SSPN: variants seen among roughly 807,000 people sequenced by gnomAD.
SSPN encodes the protein sarcospan.
In SSPN, 15 loss-of-function variants were observed where a neutral mutation model predicts 19.1. The observed-to-expected ratio is 0.78, with a 90% CI of 0.52 to 1.21. The LOEUF is 1.21. Among genes scored for constraint, SSPN ranks in the 50% most tolerant of loss-of-function variants. The pLI, the probability that SSPN is intolerant of heterozygous loss-of-function variation, is 0.00. For missense variants in SSPN, 291 were observed against 314.0 expected (o/e 0.93, Z 0.55); for synonymous variants, 147 against 140.3 (o/e 1.05, Z -0.34).
chr12:26,161,602 TCCCC>T (rs1944589420), intron 1 of SSPN, among the ~76,000 whole-genome samples: 1 of 152,206 alleles, frequency 6.6e-6, no homozygotes, highest in Non-Finnish European at 1.5e-5. Flanking sequence ...ATTGTTAGCA[TCCCC>T]AAATTAAATG....
At chr12:26,124,581 G>C in intron 1 of SSPN, 1 of 1,614,188 alleles carries the variant, frequency 6.2e-7, no homozygotes, top group South Asian at 1.1e-5. Context: ...GAATAGTCCA[G>C]TCTGCAAAAC....
chr12:26,175,147 A>T (rs1378494355), intron 1 of SSPN, among the ~76,000 whole-genome samples: 1 of 152,214 alleles, frequency 6.6e-6, no homozygotes, highest in Non-Finnish European at 1.5e-5. Context: ...TGGGTGTAGC[A>T]TTTTGTATGC....
At chr12:26,192,506 C>T (rs375619373), upstream of SSPN, among the ~76,000 whole-genome samples, 1 of 152,134 alleles carries the variant, frequency 6.6e-6, no homozygotes, top group Non-Finnish European at 1.5e-5. Context: ...CTATTTTAGC[C>T]TTGATTACTC....
chr12:26,130,404 A>G (rs2137396267), intron 1 of SSPN, among the ~76,000 whole-genome samples: 1 of 152,350 alleles, frequency 6.6e-6, no homozygotes, highest in Non-Finnish European at 1.5e-5. Context: ...TGTCAGTAAC[A>G]GATATTTCTT....
At chr12:26,158,183 C>T (rs1944566919) in intron 1 of SSPN, among the ~76,000 whole-genome samples, 1 of 151,984 alleles carries the variant, frequency 6.6e-6, no homozygotes, top group African/African-American at 2.4e-5. Context: ...CAGCTCTTTC[C>T]CACTTCATCA....
At chr12:26,129,476 A>C (rs2137395627) in intron 1 of SSPN, among the ~76,000 whole-genome samples, 1 of 152,318 alleles carries the variant, frequency 6.6e-6, no homozygotes, top group East Asian at 1.9e-4. Flanking sequence ...GGTGCCTCAG[A>C]GAAGGATTTA....
chr12:26,217,975 T>G (rs11048435), intron 1 of SSPN, among the ~76,000 whole-genome samples: 2,014 of 145,046 alleles, frequency 0.014, 35 homozygotes, highest in African/African-American at 0.048. Context: ...GGGTATATAC[T>G]CAAAGGACTA....
At chr12:26,122,860 G>T (rs1351969664) in intron 1 of SSPN, 2 of 1,566,352 alleles carry the variant, frequency 1.3e-6, no homozygotes, top group Non-Finnish European at 1.7e-6. Flanking sequence ...TGGATGACGG[G>T]CACGCAGTAG....
At chr12:26,195,523 G>C, upstream of SSPN, 1 of 1,248,148 alleles carries the variant, frequency 8.0e-7, no homozygotes, top group South Asian at 3.2e-5. Flanking sequence ...CGTGGCCTTT[G>C]GAGGCTCGGT....
intron 1 of SSPN, chr12:26,180,063 C>A (rs1396624639): frequency 6.6e-6 from 1 of 151,548 alleles, no homozygotes; most frequent in Non-Finnish European, 1.5e-5. Flanking sequence ...GAGGACTGTT[C>A]CTCCAAGCAC....
intron 1 of SSPN, among the ~76,000 whole-genome samples, chr12:26,215,607 T>C (rs757840125): frequency 1.3e-5 from 2 of 152,206 alleles, no homozygotes; most frequent in Admixed American, 6.5e-5. Flanking sequence ...ATGCTACAAA[T>C]AGCCTTTCTC....
chr12:26,205,518 C>A (rs2137471253), intron 1 of SSPN, among the ~76,000 whole-genome samples: 1 of 152,330 alleles, frequency 6.6e-6, no homozygotes, highest in African/African-American at 2.4e-5. Context: ...ATCTCACAGG[C>A]TTAGCCCTAT....
intron 1 of SSPN, among the ~76,000 whole-genome samples, chr12:26,169,591 ATAT>A (rs1944642134): frequency 7.9e-6 from 1 of 126,574 alleles, no homozygotes; most frequent in South Asian, 2.6e-4. Flanking sequence ...ATATATATAT[ATAT>A]TTTTTTTTCT....
chr12:26,167,401 A>G (rs1316772713), intron 1 of SSPN, among the ~76,000 whole-genome samples: 1 of 152,218 alleles, frequency 6.6e-6, no homozygotes, highest in Non-Finnish European at 1.5e-5. Flanking sequence ...AGCTCTCTAT[A>G]AGACTGAAAC....
At chr12:26,146,639 A>T (rs559015373) in intron 1 of SSPN, among the ~76,000 whole-genome samples, 1 of 152,254 alleles carries the variant, frequency 6.6e-6, no homozygotes, top group African/African-American at 2.4e-5. Flanking sequence ...CCTGGCCAAC[A>T]TAGCAAAATC....
At chr12:26,173,406 G>A (rs975008197) in intron 1 of SSPN, among the ~76,000 whole-genome samples, 2 of 152,140 alleles carry the variant, frequency 1.3e-5, no homozygotes, top group African/African-American at 2.4e-5. Flanking sequence ...TACAGATTCA[G>A]CCACTCCTGG....
chr12:26,191,290 A>G (rs1478472018), upstream of SSPN, among the ~76,000 whole-genome samples: 3 of 152,350 alleles, frequency 2.0e-5, no homozygotes, highest in East Asian at 3.9e-4. Context: ...GCATGATTAA[A>G]TGATTGAAAT....
chr12:26,161,315 T>G (rs2137424518), intron 1 of SSPN, among the ~76,000 whole-genome samples: 1 of 152,170 alleles, frequency 6.6e-6, no homozygotes, highest in Non-Finnish European at 1.5e-5. Context: ...TATGGCCTGC[T>G]TGCTGTTTCT....
chr12:26,226,810 C>T (rs1250778306), intron 2 of SSPN, among the ~76,000 whole-genome samples: 2 of 152,176 alleles, frequency 1.3e-5, no homozygotes, highest in Admixed American at 6.5e-5. Context: ...AGCCTCCTCC[C>T]GAGCAGTGCG....
Sources: allele counts gnomAD v4.1 joint callset (sites outside exome capture counted in the v4.1 genomes callset), GRCh38; gene constraint gnomAD v4.1.1; transcripts MANE v1.5; gene names NCBI Gene and HGNC (gene_info 2026-07-23, HGNC 2026-07-21).